ELAVL4: variants seen among roughly 807,000 people sequenced by gnomAD.
The protein encoded by ELAVL4 is ELAV-like protein 4.
Under a neutral mutation model 35.6 loss-of-function variants are expected in ELAVL4, and 1 was observed. The observed-to-expected ratio is 0.03, with a 90% CI of 0.01 to 0.13. ELAVL4 has a LOEUF of 0.13. ELAVL4 is among the 10% of genes least tolerant of loss of function. The probability of loss-of-function intolerance (pLI) is 1.00; values close to 1 mark genes in which losing one functional copy is unlikely to be tolerated. For synonymous variants in ELAVL4, 156 were observed against 171.0 expected, an observed-to-expected ratio of 0.91 and a Z score of 0.69; for missense variants, 267 against 464.9, an observed-to-expected ratio of 0.57 and a Z score of 3.91.
In ELAVL4 at chr1:50,178,714, C is replaced by T. The variant is rs534888785; in HGVS notation, c.354+1522C>T. Among the ~76,000 whole-genome samples, 5 of 152,256 alleles carry T rather than the reference C, an allele frequency of 3.3e-5. No homozygotes were observed. The East Asian group carries it at 9.7e-4, about 29-fold the overall frequency. ...TTCAAAGTAAAAACATACCTATTTT[C>T]ATGCTTTAAGTAAAGACGGATGCTC... On this transcript the variant is annotated intron_variant, in intron 3 of 6. Coordinates refer to ENST00000371824, the MANE Select transcript of ELAVL4 (RefSeq NM_001144774.3).
At chr1:50,156,507 T>C (rs1258174203) in intron 2 of ELAVL4, among the ~76,000 whole-genome samples, 1 of 152,060 alleles carries the variant, frequency 6.6e-6, no homozygotes, top group Non-Finnish European at 1.5e-5. Context: ...CAATCCTAGG[T>C]TATGTAATTC....
intron 2 of ELAVL4, among the ~76,000 whole-genome samples, chr1:50,150,072 T>A (rs1674511019): frequency 6.6e-6 from 1 of 152,120 alleles, no homozygotes; most frequent in South Asian, 2.1e-4. Context: ...AAAATTTTAG[T>A]CAAAGAACAA....
upstream of ELAVL4, among the ~76,000 whole-genome samples, chr1:50,101,150 G>T (rs1665956406): frequency 6.6e-6 from 1 of 152,276 alleles, no homozygotes; most frequent in African/African-American, 2.4e-5. Flanking sequence ...GATAGTACTT[G>T]AAGTGTTAAT....
chr1:50,108,408 A>G (rs1666540918), upstream of ELAVL4, among the ~76,000 whole-genome samples: 1 of 152,206 alleles, frequency 6.6e-6, no homozygotes, highest in Non-Finnish European at 1.5e-5. Flanking sequence ...ATAAAGTTAA[A>G]TTGTAGATGA....
chr1:50,137,966 G>T (rs922890342), intron 1 of ELAVL4, among the ~76,000 whole-genome samples: 31 of 152,140 alleles, frequency 2.0e-4, no homozygotes, highest in African/African-American at 7.2e-4. Context: ...TTATCTCACT[G>T]AGTCCTTTTT....
At chr1:50,111,476 T>C (rs1467127658) in intron 1 of ELAVL4, among the ~76,000 whole-genome samples, 1 of 152,050 alleles carries the variant, frequency 6.6e-6, no homozygotes, top group Admixed American at 6.6e-5. Flanking sequence ...TGATTTGGGG[T>C]TAGGTGATTT....
chr1:50,192,395 A>G (rs1049185242), intron 3 of ELAVL4, among the ~76,000 whole-genome samples: 2 of 151,952 alleles, frequency 1.3e-5, no homozygotes, highest in African/African-American at 4.8e-5. Context: ...TCTTTGCTAG[A>G]CCCATTCTCT....
chr1:50,195,922 C>A (rs1644028996), intron 5 of ELAVL4, 136 bp downstream of exon 5: 2 of 985,858 alleles, frequency 2.0e-6, no homozygotes, highest in Admixed American at 2.8e-5. Context: ...AAAACTCCCC[C>A]CGAGCCTCAG....
At chr1:50,096,101 T>G (rs1665706535) in intron 1 of ELAVL4, among the ~76,000 whole-genome samples, 1 of 152,142 alleles carries the variant, frequency 6.6e-6, no homozygotes, top group Admixed American at 6.5e-5. Flanking sequence ...TATCTCAGCC[T>G]GCCATATGAA....
At chr1:50,150,810 G>C (rs1299720684) in intron 2 of ELAVL4, among the ~76,000 whole-genome samples, 1 of 152,186 alleles carries the variant, frequency 6.6e-6, no homozygotes, top group Non-Finnish European at 1.5e-5. Flanking sequence ...TCAGCCCCAA[G>C]GTGAGTTTAT....
At chr1:50,176,121 G>C (rs1679986791) in intron 2 of ELAVL4, among the ~76,000 whole-genome samples, 1 of 152,214 alleles carries the variant, frequency 6.6e-6, no homozygotes, top group South Asian at 2.1e-4. Flanking sequence ...TCAGTGGCAC[G>C]ATTGCAAGCA....
chr1:50,167,665 C>T (rs1490386537), intron 2 of ELAVL4, among the ~76,000 whole-genome samples: 3 of 152,190 alleles, frequency 2.0e-5, no homozygotes. Flanking sequence ...TATGCATAAC[C>T]TCCATCCCTG....
chr1:50,167,954 A>T (rs553712303), intron 2 of ELAVL4, among the ~76,000 whole-genome samples: 3 of 152,300 alleles, frequency 2.0e-5, no homozygotes, highest in African/African-American at 7.2e-5. Context: ...ACAGCCCATG[A>T]ATCACTATAT....
chr1:50,186,127 G>A (rs1167463896), intron 3 of ELAVL4, among the ~76,000 whole-genome samples: 2 of 152,166 alleles, frequency 1.3e-5, no homozygotes, highest in Non-Finnish European at 2.9e-5. Context: ...TTCTTTAAAA[G>A]AAATACTTGT....
At chr1:50,165,393 T>C (rs1011078903) in intron 2 of ELAVL4, among the ~76,000 whole-genome samples, 2 of 151,300 alleles carry the variant, frequency 1.3e-5, no homozygotes, top group Admixed American at 1.3e-4. Flanking sequence ...TCTGTATTAG[T>C]GAGGGTTCTC....
intron 1 of ELAVL4, among the ~76,000 whole-genome samples, chr1:50,117,442 G>A (rs1042522560): frequency 1.3e-5 from 2 of 152,096 alleles, no homozygotes; most frequent in African/African-American, 4.8e-5. Context: ...TAAAAAGATT[G>A]TTCTTTGTCT....
chr1:50,095,565 C>G (rs920601399), intron 1 of ELAVL4, among the ~76,000 whole-genome samples: 1 of 152,166 alleles, frequency 6.6e-6, no homozygotes, highest in East Asian at 1.9e-4. Context: ...CACACACACA[C>G]ACATACAGCC....
chr1:50,159,373 C>T lies in ELAVL4; in HGVS notation c.250+14176C>T, dbSNP rs569871070. 6.3e-4 allele frequency among the ~76,000 whole-genome samples: 96 copies of T among 152,060 alleles called. 1 individual carries two copies. Among genetic ancestry groups the T allele is most frequent in the African/African-American group, 2.0e-3 (83 of 41,486 alleles). On this transcript the variant is annotated intron_variant, in intron 2 of 6. Transcript: ENST00000371824. ...CTATAATCCTGGCACTGTGGGAGAC[C>T]GAGGCAGGCGGATCACTTGAGGTCA...
chr1:50,067,413 G>GT (rs1314981798), intron 1 of ELAVL4, among the ~76,000 whole-genome samples: 1 of 152,144 alleles, frequency 6.6e-6, no homozygotes, highest in African/African-American at 2.4e-5. Context: ...TCTACCTCAA[G>GT]TGTCCAGAAG....
Sources: gnomAD v4.1 joint callset for allele counts (sites outside exome capture counted in the v4.1 genomes callset) on GRCh38, gnomAD v4.1.1 for gene constraint, MANE v1.5 for transcripts, NCBI Gene and HGNC (gene_info 2026-07-23, HGNC 2026-07-21) for gene names.